Variants in CRADD observed in about 807,000 individuals in gnomAD.
CRADD encodes the protein death domain-containing protein CRADD.
A neutral mutation model predicts 15.5 loss-of-function variants in CRADD; 9 were observed. The observed-to-expected ratio is 0.58, with a 90% CI of 0.35 to 1.01. The LOEUF is 1.01. Ranked by LOEUF, CRADD falls within the 50% of genes least tolerant of loss-of-function variation. CRADD has a pLI of 0.02. For synonymous variants in CRADD, 118 were observed against 107.6 expected, an observed-to-expected ratio of 1.10 and a Z score of -0.60; for missense variants, 227 against 250.3, an observed-to-expected ratio of 0.91 and a Z score of 0.63.
chr12:93,888,039 G>A (rs1958549884), intron 2 of CRADD, among the ~76,000 whole-genome samples: 1 of 152,212 alleles, frequency 6.6e-6, no homozygotes, highest in South Asian at 2.1e-4. Flanking sequence ...TGTATTCTCA[G>A]TGGAAAGAGA....
intron 2 of CRADD, among the ~76,000 whole-genome samples, chr12:93,682,811 AG>A (rs1246070846): frequency 2.0e-5 from 3 of 151,172 alleles, no homozygotes; most frequent in African/African-American, 7.4e-5. Flanking sequence ...AATCTCTGTT[AG>A]GAAAAAAAAA....
At chr12:93,892,363 C>T (rs11107240) in intron 2 of CRADD, among the ~76,000 whole-genome samples, 13,640 of 152,182 alleles carry the variant, frequency 0.09, 768 homozygotes, top group East Asian at 0.29. Flanking sequence ...TTTGGTGCCC[C>T]TAAATTTTGC....
Position 93,892,098 on chromosome 12 carries a change from G to A in CRADD, c.299-1952G>A, listed in dbSNP as rs1009134885. Among the ~76,000 whole-genome samples the A allele has an allele frequency of 3.9e-5, 6 of 152,248 alleles. No individual in the cohort carries two copies. In the East Asian group the frequency reaches 5.8e-4, roughly 15 times the overall value. ...GAGCTCAGAGAGGTGGGAGATATAC[G>A]TTGTGCACAAAGACCCCTGCTCTTC... On this transcript the variant is annotated intron_variant, in intron 2 of 2. Coordinates refer to the CRADD transcript ENST00000548483.
At chr12:93,826,369 G>C (rs116523440) in intron 2 of CRADD, among the ~76,000 whole-genome samples, 161 of 152,284 alleles carry the variant, frequency 1.1e-3, no homozygotes, top group African/African-American at 3.6e-3. Flanking sequence ...TGTTCCAAGG[G>C]AGAAGCAGCC....
At chr12:93,778,703 A>G (rs1028532902) in intron 2 of CRADD, among the ~76,000 whole-genome samples, 1 of 148,648 alleles carries the variant, frequency 6.7e-6, no homozygotes, top group Non-Finnish European at 1.5e-5. Context: ...ATAGCCACAC[A>G]GGGTGTTTTT....
intron 2 of CRADD, among the ~76,000 whole-genome samples, chr12:93,772,030 A>C (rs185979846): frequency 6.6e-6 from 1 of 152,344 alleles, no homozygotes; most frequent in East Asian, 1.9e-4. Context: ...TCGTCTTTTG[A>C]GGTAACCTAA....
intron 2 of CRADD, among the ~76,000 whole-genome samples, chr12:93,881,445 G>GC (rs1491222093): frequency 2.1e-5 from 3 of 140,662 alleles, no homozygotes; most frequent in Non-Finnish European, 1.6e-5. Flanking sequence ...AGTGTGGGGG[G>GC]GGGGTGGGGA....
intron 2 of CRADD, among the ~76,000 whole-genome samples, chr12:93,845,493 T>G (rs7342314): frequency 0.77 from 116,341 of 151,878 alleles, 44,878 homozygotes; most frequent in African/African-American, 0.84. Context: ...GGAGGCTGGG[T>G]CACGAGGATC....
intron 2 of CRADD, chr12:93,816,200 T>TTTTA (rs1957694658): frequency 6.6e-6 from 1 of 152,136 alleles, no homozygotes. Context: ...AAAGGCTTAA[T>TTTTA]TTTATTTATT....
At chr12:93,703,628 C>T (rs1292513497) in intron 2 of CRADD, among the ~76,000 whole-genome samples, 2 of 152,042 alleles carry the variant, frequency 1.3e-5, no homozygotes, top group Non-Finnish European at 2.9e-5. Context: ...TCCCAAAGTG[C>T]TGGGATTACA....
chr12:93,804,660 AC>A (rs1193460089), intron 2 of CRADD, among the ~76,000 whole-genome samples: 1 of 151,992 alleles, frequency 6.6e-6, no homozygotes, highest in Non-Finnish European at 1.5e-5. Flanking sequence ...CCCCTCCTCT[AC>A]TGTTGAAATG....
At chr12:93,800,581 G>GCT (rs144608445) in intron 2 of CRADD, among the ~76,000 whole-genome samples, 77 of 148,730 alleles carry the variant, frequency 5.2e-4, no homozygotes, top group Middle Eastern at 7.0e-3. Flanking sequence ...ACTTACTCCT[G>GCT]CTCTCTCTCT....
chr12:93,846,623 C>CACACACAA (rs1485437527), intron 2 of CRADD: 3 of 150,690 alleles, frequency 2.0e-5, no homozygotes, highest in Non-Finnish European at 4.4e-5. Context: ...CACACACACA[C>CACACACAA]ACGATGGACA....
chr12:93,797,271 A>C (rs542037823), intron 2 of CRADD, among the ~76,000 whole-genome samples: 207 of 152,316 alleles, frequency 1.4e-3, no homozygotes, highest in South Asian at 2.7e-3. Context: ...GGCAGGCATC[A>C]ACTAAATGGC....
downstream of CRADD, among the ~76,000 whole-genome samples, chr12:93,854,862 A>G (rs1489613577): frequency 1.3e-5 from 2 of 152,214 alleles, no homozygotes; most frequent in African/African-American, 4.8e-5. Context: ...ATTTTTAAAA[A>G]CTATTTTGAC....
chr12:93,787,305 GTTTTTTTTTT>G lies in CRADD; in HGVS notation c.299-62649_299-62640del, dbSNP rs34146137. Among the ~76,000 whole-genome samples the G allele has an allele frequency of 4.0e-5, 5 of 124,744 alleles. No homozygotes were observed. In the East Asian group the frequency reaches 1.1e-3, roughly 28 times the overall value. 81.8% of individuals were successfully genotyped at this position (124,744 alleles called of 152,430 possible). The stretch of plus-strand genomic sequence containing the variant: ...CAGGACTGTAAAGTAGTATGACAGG[GTTTTTTTTTT>G]TTTTTTTTTTTTTTTAATATCACAT... On this transcript the variant is annotated intron_variant, in intron 2 of 2. Coordinates refer to ENST00000332896, the MANE Select transcript of CRADD (RefSeq NM_003805.5).
intron 2 of CRADD, among the ~76,000 whole-genome samples, chr12:93,812,069 A>G (rs1212703792): frequency 1.3e-5 from 2 of 152,208 alleles, no homozygotes; most frequent in Non-Finnish European, 2.9e-5. Context: ...AAAAGGCAAA[A>G]CTATAGAGAA....
chr12:93,726,184 A>G (rs1401180632), intron 2 of CRADD, among the ~76,000 whole-genome samples: 1 of 146,946 alleles, frequency 6.8e-6, no homozygotes, highest in Non-Finnish European at 1.5e-5. Context: ...ACTTTCTGCA[A>G]CCTTCGCCTC....
chr12:93,698,277 G>A (rs1328031576), intron 2 of CRADD, among the ~76,000 whole-genome samples: 2 of 152,128 alleles, frequency 1.3e-5, no homozygotes, highest in Non-Finnish European at 2.9e-5. Context: ...GTTACTTCTA[G>A]AACTGGACAC....
Sources: gnomAD v4.1 joint callset for allele counts (sites outside exome capture counted in the v4.1 genomes callset) on GRCh38, gnomAD v4.1.1 for gene constraint, MANE v1.5 for transcripts, NCBI Gene and HGNC (gene_info 2026-07-23, HGNC 2026-07-21) for gene names.